ERC2: variants seen among roughly 807,000 people sequenced by gnomAD.
ERC2 encodes ERC protein 2.
ERC2 carries 42 observed loss-of-function variants against 114.8 expected under a neutral mutation model. The ratio of observed to expected loss-of-function variants is 0.37; its 90% CI spans 0.29 to 0.47. The LOEUF is 0.47. Ranked by LOEUF, ERC2 falls within the 20% of genes least tolerant of loss-of-function variation. ERC2 has a pLI of 0.99. For missense variants in ERC2, 939 were observed against 1,150.7 expected, an observed-to-expected ratio of 0.82 and a Z score of 2.66; for synonymous variants, 454 against 425.5, an observed-to-expected ratio of 1.07 and a Z score of -0.82.
intron 14 of ERC2, among the ~76,000 whole-genome samples, chr3:55,804,403 C>T (rs9813675): frequency 0.025 from 3,809 of 152,214 alleles, 155 homozygotes; most frequent in African/African-American, 0.079. Context: ...GGGTGAGATG[C>T]GTCGGTTTGC....
At chr3:55,887,215 T>C (rs921632954) in intron 14 of ERC2, among the ~76,000 whole-genome samples, 3 of 152,234 alleles carry the variant, frequency 2.0e-5, no homozygotes, top group Non-Finnish European at 2.9e-5. Context: ...TACCTGGTTT[T>C]ATTATATTAT....
At chr3:56,304,724 C>G (rs1198000373) in intron 2 of ERC2, among the ~76,000 whole-genome samples, 2 of 152,166 alleles carry the variant, frequency 1.3e-5, no homozygotes, top group Non-Finnish European at 1.5e-5. Context: ...ACAAAGTATT[C>G]TATAAATAAT....
chr3:55,932,141 T>C (rs1387366891), intron 13 of ERC2, among the ~76,000 whole-genome samples: 2 of 152,172 alleles, frequency 1.3e-5, no homozygotes, highest in Non-Finnish European at 2.9e-5. Flanking sequence ...GCAGATCTGC[T>C]TGAAGACAGA....
chr3:55,750,393 T>C (rs1001216697), intron 14 of ERC2, among the ~76,000 whole-genome samples: 1 of 152,170 alleles, frequency 6.6e-6, no homozygotes, highest in Non-Finnish European at 1.5e-5. Flanking sequence ...GAGACTGTAA[T>C]ATTTAAGGTT....
At chr3:56,434,299 C>G in intron 2 of ERC2, 52 bp downstream of exon 2, 2 of 1,550,968 alleles carry the variant, frequency 1.3e-6, no homozygotes, top group Admixed American at 3.5e-5. Context: ...AAAGCATCAA[C>G]TACTCAGTGA....
intron 2 of ERC2, among the ~76,000 whole-genome samples, chr3:56,304,454 T>G (rs1350799281): frequency 2.0e-5 from 3 of 152,180 alleles, no homozygotes; most frequent in East Asian, 3.8e-4. Flanking sequence ...ATTTTAAAAC[T>G]CTTCCTGCAA....
At chr3:56,345,654 G>A (rs545652429) in intron 2 of ERC2, among the ~76,000 whole-genome samples, 131 of 152,316 alleles carry the variant, frequency 8.6e-4, no homozygotes, top group African/African-American at 3.0e-3. Flanking sequence ...AGAAAAGTGC[G>A]CAGAAACTAG....
chr3:56,444,455 A>C (rs2062467716), intron 1 of ERC2, among the ~76,000 whole-genome samples: 1 of 152,198 alleles, frequency 6.6e-6, no homozygotes, highest in Non-Finnish European at 1.5e-5. Flanking sequence ...TCAAAGTCCA[A>C]GGGTAAGTTC....
chr3:56,296,576 C>T lies in ERC2; in HGVS notation c.658-141G>A, dbSNP rs1024675616. ...GGAGGGCCAGCCATGAATTCCTCCACGGTGACTTCAGAAGCATGGGACAGC... is the reference window on the plus strand; with the variant it reads ...GGAGGGCCAGCCATGAATTCCTCCATGGTGACTTCAGAAGCATGGGACAGC... On this transcript the variant is annotated intron_variant, in intron 2 of 17. Coordinates refer to ENST00000288221, the MANE Select transcript of ERC2 (RefSeq NM_015576.3). 30 of 831,900 alleles carry T rather than the reference C, an allele frequency of 3.6e-5. No homozygotes were observed. In the Middle Eastern group the frequency reaches 1.1e-3, roughly 30 times the overall value. 51.5% of individuals were successfully genotyped at this position (831,900 alleles called of 1,614,324 possible).
intron 14 of ERC2, among the ~76,000 whole-genome samples, chr3:55,793,132 T>A (rs943127565): frequency 6.6e-6 from 1 of 152,164 alleles, no homozygotes; most frequent in African/African-American, 2.4e-5. Flanking sequence ...CAGCGCAATC[T>A]CTGCTCACTG....
At chr3:56,018,855 C>T (rs774748484) in intron 8 of ERC2, 39 bp downstream of exon 8, 1 of 1,601,394 alleles carries the variant, frequency 6.2e-7, no homozygotes, top group Non-Finnish European at 8.5e-7. Flanking sequence ...ACTCTGTTTC[C>T]CCATATCCTG....
intron 15 of ERC2, among the ~76,000 whole-genome samples, chr3:55,733,417 TTC>T (rs527593786): frequency 9.2e-5 from 13 of 141,426 alleles, no homozygotes; most frequent in Non-Finnish European, 1.2e-4. Context: ...CTGTCTCTCT[TTC>T]TCTCTCTCTC....
chr3:56,394,588 C>G (rs912138798), intron 2 of ERC2, among the ~76,000 whole-genome samples: 1 of 152,126 alleles, frequency 6.6e-6, no homozygotes, highest in African/African-American at 2.4e-5. Context: ...GGAAGACATA[C>G]AAAGGGCCAA....
chr3:56,109,830 A>G lies in ERC2; in HGVS notation c.1474-28846T>C, dbSNP rs147618241. Among the ~76,000 whole-genome samples, 1,054 of 152,316 alleles carry G rather than the reference A, an allele frequency of 6.9e-3. 8 individuals are homozygous for G. Among genetic ancestry groups the G allele is most frequent in the African/African-American group, 0.024 (982 of 41,574 alleles). On this transcript the variant is annotated intron_variant, in intron 6 of 17. Transcript: ENST00000288221. ...AACAACAAACATCAAGGCGCAGAGA[A>G]CAAGCTGAAATTAGAAGACAGGACT...
Position 56,004,845 on chromosome 3 carries a change from A to C in ERC2, c.2061+2336T>G, listed in dbSNP as rs545184222. On this transcript the variant is annotated intron_variant, in intron 10 of 17. Coordinates refer to ENST00000288221, the MANE Select transcript of ERC2 (RefSeq NM_015576.3). ...TCACAAGTCACGTACCCTTTTATTT[A>C]AAAAGAGGCCCAGACACACTTAAGC... Among the ~76,000 whole-genome samples, 12 of 152,150 alleles carry C rather than the reference A, an allele frequency of 7.9e-5. No individual in the cohort carries two copies. The South Asian group carries it at 2.3e-3, about 29-fold the overall frequency.
chr3:56,373,056 T>C (rs538536518), intron 2 of ERC2, among the ~76,000 whole-genome samples: 4 of 152,390 alleles, frequency 2.6e-5, no homozygotes, highest in Admixed American at 6.5e-5. Context: ...ATACAGAATG[T>C]AAATTCTTTT....
intron 17 of ERC2, among the ~76,000 whole-genome samples, chr3:55,563,419 C>A (rs1301936498): frequency 2.6e-5 from 4 of 151,246 alleles, no homozygotes; most frequent in Non-Finnish European, 5.9e-5. Flanking sequence ...CACTTTGTCA[C>A]AAGCATGAAG....
At chr3:55,721,920 A>G (rs554250798) in intron 15 of ERC2, among the ~76,000 whole-genome samples, 2 of 152,272 alleles carry the variant, frequency 1.3e-5, no homozygotes, top group South Asian at 4.1e-4. Context: ...TGTGTTTGTA[A>G]TTCTAGGAGT....
At chr3:55,677,495 G>A (rs1282812431) in intron 17 of ERC2, among the ~76,000 whole-genome samples, 3 of 152,236 alleles carry the variant, frequency 2.0e-5, no homozygotes, top group Non-Finnish European at 4.4e-5. Flanking sequence ...AACAATAATA[G>A]TGATATACTG....
Sources: allele counts gnomAD v4.1 joint callset (sites outside exome capture counted in the v4.1 genomes callset), GRCh38; gene constraint gnomAD v4.1.1; transcripts MANE v1.5; gene names NCBI Gene and HGNC (gene_info 2026-07-23, HGNC 2026-07-21).